Variants in ASZ1 observed in about 807,000 individuals in gnomAD.
ASZ1 encodes ankyrin repeat, SAM and basic leucine zipper domain containing 1.
ASZ1 carries 67 observed loss-of-function variants against 61.8 expected under a neutral mutation model. The ratio of observed to expected loss-of-function variants is 1.08; its 90% CI spans 0.89 to 1.33. The LOEUF is 1.33. ASZ1 is among the 40% of genes most tolerant of loss of function. The pLI, the probability that ASZ1 is intolerant of heterozygous loss-of-function variation, is 0.00. For synonymous variants in ASZ1, 193 were observed against 192.7 expected, an observed-to-expected ratio of 1.00 and a Z score of -0.01; for missense variants, 577 against 554.5, an observed-to-expected ratio of 1.04 and a Z score of -0.41.
intron 4 of ASZ1, among the ~76,000 whole-genome samples, chr7:117,405,495 T>C (rs1239083007): frequency 6.6e-6 from 1 of 152,214 alleles, no homozygotes; most frequent in Non-Finnish European, 1.5e-5. Context: ...ATCTACCCCC[T>C]GCACCAGCTC....
intron 12 of ASZ1, among the ~76,000 whole-genome samples, chr7:117,364,021 C>T (rs570598357): frequency 2.6e-5 from 4 of 151,960 alleles, no homozygotes; most frequent in South Asian, 2.1e-4. Flanking sequence ...TTTAATGTCA[C>T]GAGACAAAGT....
chr7:117,367,453 A>G lies in ASZ1; in HGVS notation c.1174T>C (p.Trp392Arg). Residue 392 changes from tryptophan (W) to arginine (R), a missense_variant, in exon 12 of 13, where the codon TGG (tryptophan) becomes CGG (arginine). Trp to Arg is a moderately radical substitution (Grantham distance 101, BLOSUM62 -3). Transcript: ENST00000284629. ...PVNSQKITLE[W>R]ASPQNFTSVC... ...GAAGTAAAATTCTGGGGAGAAGCCC[A>G]TTCCAGTGTTATCTGTTAATATTTT... 6.5e-7 allele frequency: 1 copy of G among 1,533,320 alleles called. No individual in the cohort carries two copies. The highest frequency in any genetic ancestry group is 8.8e-7 in the Non-Finnish European group (1 of 1,141,782). 95.0% of individuals were successfully genotyped at this position (1,533,320 alleles called of 1,614,324 possible).
At position 117,368,670 on chromosome 7, in the gene ASZ1, C is replaced by G. The variant is rs764856529; in HGVS notation, c.1103G>C (p.Gly368Ala). The G allele has an allele frequency of 1.2e-6, 2 of 1,612,714 alleles. No individual in the cohort carries two copies. The highest frequency in any genetic ancestry group is 1.7e-6 in the Non-Finnish European group (2 of 1,179,368). ...ATTCTGTACAGCTGTTATTAAATGG[C>G]CACACTGTTTATTTAATTTGAGAAG... ...NFLLKLNKQC[G>A]HLITAVQNVI... The change falls in exon 11 of 13, where the codon GGC becomes GCC. Residue 368 changes from glycine (G) to alanine (A), a missense_variant. By Grantham distance (60) the Gly-to-Ala change is moderately conservative (BLOSUM62 0). Coordinates refer to ENST00000284629, the MANE Select transcript of ASZ1 (RefSeq NM_130768.3).
Position 117,427,379 on chromosome 7 carries a change from C to G in ASZ1, c.82G>C (p.Gly28Arg), listed in dbSNP as rs749169018. The change falls in exon 1 of 13, where the codon GGG (glycine) becomes CGG (arginine). Residue 28 changes from glycine (G) to arginine (R), a missense_variant. Transcript: ENST00000284629. ...SESEDDGWEI[G>R]YLDRTSQKLK... ...ACCTGAGACGTCCGGTCGAGATACC[C>G]AATCTCCCAGCCATCATCCTCGCTC... The G allele has an allele frequency of 1.2e-5, 19 of 1,614,128 alleles. No individual in the cohort carries two copies. Among genetic ancestry groups the G allele is most frequent in the Non-Finnish European group, 1.4e-5 (16 of 1,180,042 alleles).
chr7:117,393,939 C>A (rs1375549997), intron 4 of ASZ1, among the ~76,000 whole-genome samples: 3 of 152,136 alleles, frequency 2.0e-5, no homozygotes, highest in African/African-American at 7.2e-5. Flanking sequence ...ACATGCTTAT[C>A]CTTACTATTC....
At chr7:117,402,409 A>G (rs1796697417) in intron 4 of ASZ1, among the ~76,000 whole-genome samples, 1 of 152,130 alleles carries the variant, frequency 6.6e-6, no homozygotes, top group Non-Finnish European at 1.5e-5. Context: ...GCATGTTGTA[A>G]GAGGTGATAT....
intron 10 of ASZ1, among the ~76,000 whole-genome samples, chr7:117,379,322 A>G (rs1467969533): frequency 6.6e-6 from 1 of 151,348 alleles, no homozygotes; most frequent in Non-Finnish European, 1.5e-5. Context: ...TACAGAATGC[A>G]TGGGACTTCC....
At chr7:117,412,332 T>G (rs948799540) in intron 4 of ASZ1, among the ~76,000 whole-genome samples, 16 of 151,880 alleles carry the variant, frequency 1.1e-4, no homozygotes, top group African/African-American at 3.6e-4. Context: ...AGTAATGTTT[T>G]CTAAGTAAGA....
chr7:117,392,816 TCCAGAAATTA>T (rs1371245149), intron 4 of ASZ1, among the ~76,000 whole-genome samples: 1 of 151,870 alleles, frequency 6.6e-6, no homozygotes, highest in Non-Finnish European at 1.5e-5. Context: ...TTTTAATTAA[TCCAGAAATTA>T]CCAGAAATTA....
intron 4 of ASZ1, among the ~76,000 whole-genome samples, chr7:117,402,129 A>G (rs1019012853): frequency 6.6e-6 from 1 of 152,156 alleles, no homozygotes; most frequent in African/African-American, 2.4e-5. Flanking sequence ...AGCACTTGAG[A>G]GTTAATTAAA....
At chr7:117,386,583 G>A (rs536263295) in intron 4 of ASZ1, among the ~76,000 whole-genome samples, 1 of 152,224 alleles carries the variant, frequency 6.6e-6, no homozygotes, top group East Asian at 1.9e-4. Context: ...CTGAGACTCT[G>A]AGCCCAATTT....
chr7:117,424,773 T>A (rs1284881911), intron 2 of ASZ1, among the ~76,000 whole-genome samples: 2 of 152,208 alleles, frequency 1.3e-5, no homozygotes, highest in Non-Finnish European at 2.9e-5. Context: ...TCGGGCCTCT[T>A]TCTACTTATT....
intron 4 of ASZ1, among the ~76,000 whole-genome samples, chr7:117,392,473 C>A (rs1026645475): frequency 2.6e-5 from 4 of 152,038 alleles, no homozygotes; most frequent in African/African-American, 9.7e-5. Context: ...GAACTGCACT[C>A]TTGATTTGGT....
chr7:117,389,530 C>A (rs757375486), intron 4 of ASZ1, among the ~76,000 whole-genome samples: 3 of 152,122 alleles, frequency 2.0e-5, no homozygotes, highest in Non-Finnish European at 4.4e-5. Flanking sequence ...AATCCAGGGG[C>A]CAATTTTGAA....
rs561331380 is a variant in ASZ1, at chr7:117,366,469, T to C, written c.1275+883A>G. ...TTCAAATCAGATATTTCACAAAAGC[T>C]TTATAGACATCAAATTTATGTATTA... is the stretch of plus-strand genomic sequence containing the variant. On this transcript the variant is annotated intron_variant, in intron 12 of 12. Coordinates refer to ENST00000284629, the MANE Select transcript of ASZ1 (RefSeq NM_130768.3). Among the ~76,000 whole-genome samples, 4 of 152,156 alleles carry C rather than the reference T, an allele frequency of 2.6e-5. No individual in the cohort carries two copies. The East Asian group carries it at 7.7e-4, about 29-fold the overall frequency.
intron 4 of ASZ1, among the ~76,000 whole-genome samples, chr7:117,389,060 T>C (rs1182901377): frequency 6.6e-6 from 1 of 152,208 alleles, no homozygotes; most frequent in Non-Finnish European, 1.5e-5. Flanking sequence ...TATTGCTGTT[T>C]ATTAGAAATG....
intron 2 of ASZ1, 34 bp downstream of exon 2, chr7:117,426,802 C>A: frequency 6.5e-7 from 1 of 1,535,566 alleles, no homozygotes; most frequent in African/African-American, 1.4e-5. Context: ...CTTAAGACAG[C>A]TGTGTTCAGA....
chr7:117,403,936 G>C (rs938378668), intron 4 of ASZ1, among the ~76,000 whole-genome samples: 1 of 152,166 alleles, frequency 6.6e-6, no homozygotes, highest in Non-Finnish European at 1.5e-5. Flanking sequence ...GCATGCGAGA[G>C]ATCTATGTTG....
In ASZ1 at chr7:117,385,696, A is replaced by G. The variant is rs1796340458; in HGVS notation, c.552+2T>C. On this transcript the variant is annotated splice_donor_variant, in intron 5 of 12. Transcript: ENST00000284629. LOFTEE classifies it high-confidence loss of function. Reference sequence around the variant, plus strand: ...AAGAAACATTGTAAAAATGTTTCTCACAGTGTAACCATTCTCATCCTGGGT... The same window carrying G: ...AAGAAACATTGTAAAAATGTTTCTCGCAGTGTAACCATTCTCATCCTGGGT... The G allele has an allele frequency of 6.3e-7, 1 of 1,583,700 alleles. No individual in the cohort carries two copies. Among genetic ancestry groups the G allele is most frequent in the African/African-American group, 1.4e-5 (1 of 74,050 alleles).
Sources: allele counts gnomAD v4.1 joint callset (sites outside exome capture counted in the v4.1 genomes callset), GRCh38; gene constraint gnomAD v4.1.1; transcripts MANE v1.5; gene names NCBI Gene and HGNC (gene_info 2026-07-23, HGNC 2026-07-21).